The following RPS6KC1 variants were observed in gnomAD, a reference collection of about 807,000 sequenced individuals.
RPS6KC1 encodes the protein inactive ribosomal protein S6 kinase delta-1.
A neutral mutation model predicts 103.8 loss-of-function variants in RPS6KC1; 54 were observed. That is an observed-to-expected ratio of 0.52 (90% confidence interval 0.42 to 0.65). RPS6KC1 has a LOEUF of 0.65. RPS6KC1 is among the 30% of genes least tolerant of loss of function. The probability of loss-of-function intolerance (pLI) is 0.00; values close to 1 mark genes in which losing one functional copy is unlikely to be tolerated. For missense variants in RPS6KC1, 1,151 were observed against 1,253.8 expected (o/e 0.92, Z 1.24); for synonymous variants, 439 against 438.7 (o/e 1.00, Z -0.01).
At chr1:213,631,544 T>A in the RPS6KC1 span, among the ~76,000 whole-genome samples, 5 of 152,286 alleles carry the variant, frequency 3.3e-5, no homozygotes, top group East Asian at 9.7e-4. Context: ...AAAAACCTCA[T>A]TGAATATGTA....
chr1:213,861,972 A>G, the RPS6KC1 span, among the ~76,000 whole-genome samples: 47 of 152,166 alleles, frequency 3.1e-4, no homozygotes, highest in Non-Finnish European at 5.9e-4. Context: ...TCAGAAGCAG[A>G]CTTCAAGGAG....
At chr1:213,791,517 T>C in the RPS6KC1 span, among the ~76,000 whole-genome samples, 2 of 152,152 alleles carry the variant, frequency 1.3e-5, no homozygotes, top group Non-Finnish European at 2.9e-5. Context: ...ATTTCTTCTA[T>C]TCTCATGGGA....
chr1:213,513,746 A>T, the RPS6KC1 span, among the ~76,000 whole-genome samples: 36 of 152,326 alleles, frequency 2.4e-4, no homozygotes, highest in African/African-American at 8.4e-4. Context: ...AAACACAAAG[A>T]TATATGATCA....
At chr1:213,531,958 T>TG in the RPS6KC1 span, among the ~76,000 whole-genome samples, 1 of 152,200 alleles carries the variant, frequency 6.6e-6, no homozygotes, top group Non-Finnish European at 1.5e-5. Flanking sequence ...CCAAAGAGGC[T>TG]GGTGCTTGGA....
chr1:213,649,915 G>A, the RPS6KC1 span, among the ~76,000 whole-genome samples: 1 of 152,156 alleles, frequency 6.6e-6, no homozygotes, highest in Non-Finnish European at 1.5e-5. Flanking sequence ...TTGATCCCGA[G>A]CAATATCTTC....
chr1:213,567,782 A>T, the RPS6KC1 span, among the ~76,000 whole-genome samples: 1 of 152,328 alleles, frequency 6.6e-6, no homozygotes, highest in Middle Eastern at 3.4e-3. Flanking sequence ...ATTGTAATGG[A>T]GTTGAGATTC....
intron 5 of RPS6KC1, among the ~76,000 whole-genome samples, chr1:213,118,612 G>A (rs1048794675): frequency 1.3e-5 from 2 of 151,816 alleles, no homozygotes; most frequent in Admixed American, 6.6e-5. Flanking sequence ...TAAGAGCAAC[G>A]TGTTCTTATT....
At chr1:213,448,011 A>T in the RPS6KC1 span, among the ~76,000 whole-genome samples, 55 of 151,970 alleles carry the variant, frequency 3.6e-4, no homozygotes, top group Non-Finnish European at 6.9e-4. Flanking sequence ...CAGGAGGAGG[A>T]TTGCTTGAGG....
chr1:213,596,472 A>G, the RPS6KC1 span, among the ~76,000 whole-genome samples: 4 of 152,242 alleles, frequency 2.6e-5, no homozygotes, highest in East Asian at 7.7e-4. Flanking sequence ...ACCAGCCACC[A>G]AAAGCACTGG....
chr1:213,118,312 GA>G (rs993922954), intron 5 of RPS6KC1, among the ~76,000 whole-genome samples: 2 of 149,954 alleles, frequency 1.3e-5, no homozygotes, highest in Non-Finnish European at 3.0e-5. Context: ...GAAGGTTACG[GA>G]AAAAAAAAGA....
the RPS6KC1 span, among the ~76,000 whole-genome samples, chr1:213,337,436 A>C: frequency 1.3e-5 from 2 of 152,172 alleles, no homozygotes; most frequent in Non-Finnish European, 2.9e-5. Context: ...ATCGTACTAG[A>C]TTGTGTGTAT....
the RPS6KC1 span, among the ~76,000 whole-genome samples, chr1:213,424,458 C>T: frequency 6.6e-6 from 1 of 152,232 alleles, no homozygotes; most frequent in African/African-American, 2.4e-5. Flanking sequence ...TTTCTATCTG[C>T]CAAAGGCTTC....
chr1:213,783,701 A>G, the RPS6KC1 span, among the ~76,000 whole-genome samples: 1 of 150,830 alleles, frequency 6.6e-6, no homozygotes, highest in Admixed American at 6.7e-5. Flanking sequence ...AGCCATTATC[A>G]TTTCTCTAAA....
chr1:213,309,613 T>C, the RPS6KC1 span, among the ~76,000 whole-genome samples: 1 of 152,214 alleles, frequency 6.6e-6, no homozygotes, highest in African/African-American at 2.4e-5. Flanking sequence ...GGAGCTTGGG[T>C]GCACTGCCTG....
At chr1:213,181,656 G>A (rs926365293) in intron 8 of RPS6KC1, among the ~76,000 whole-genome samples, 1 of 152,092 alleles carries the variant, frequency 6.6e-6, no homozygotes, top group African/African-American at 2.4e-5. Flanking sequence ...GGATTGAACT[G>A]GATTAAATCA....
At chr1:213,630,302 T>C in the RPS6KC1 span, among the ~76,000 whole-genome samples, 1 of 152,200 alleles carries the variant, frequency 6.6e-6, no homozygotes, top group African/African-American at 2.4e-5. Context: ...TTCTCTAAAC[T>C]TCTCTTCTCA....
intron 3 of RPS6KC1, among the ~76,000 whole-genome samples, chr1:213,094,867 G>A (rs575487531): frequency 6.6e-6 from 1 of 152,292 alleles, no homozygotes; most frequent in South Asian, 2.1e-4. Context: ...TCACAAAAAT[G>A]ATCAAATATC....
chr1:213,062,581 G>A (rs1264065792), intron 1 of RPS6KC1, among the ~76,000 whole-genome samples: 1 of 150,096 alleles, frequency 6.7e-6, no homozygotes, highest in African/African-American at 2.5e-5. Context: ...TTTTTGGGGC[G>A]GAGTCTCGCT....
the RPS6KC1 span, among the ~76,000 whole-genome samples, chr1:213,817,246 C>G: frequency 8.7e-3 from 1,324 of 152,324 alleles, 22 homozygotes; most frequent in African/African-American, 0.03. Context: ...ATCGGCTCCC[C>G]TCCTCCCAGG....
Sources: gnomAD v4.1 joint callset for allele counts (sites outside exome capture counted in the v4.1 genomes callset) on GRCh38, gnomAD v4.1.1 for gene constraint, MANE v1.5 for transcripts, NCBI Gene and HGNC (gene_info 2026-07-23, HGNC 2026-07-21) for gene names.